ARNT2: variants seen among roughly 807,000 people sequenced by gnomAD.
The protein encoded by ARNT2 is ARNT protein 2.
A neutral mutation model predicts 91.7 loss-of-function variants in ARNT2; 36 were observed. That is an observed-to-expected ratio of 0.39 (90% CI 0.30 to 0.52). The LOEUF (loss-of-function observed/expected upper bound fraction) is 0.52. Ranked by LOEUF, ARNT2 falls within the 20% of genes least tolerant of loss-of-function variation. The pLI is 0.72. For synonymous variants in ARNT2, 365 were observed against 347.1 expected (o/e 1.05, Z -0.57); for missense variants, 775 against 939.3 (o/e 0.83, Z 2.29).
At chr15:80,592,437 A>C (rs1271109579) in intron 18 of ARNT2, among the ~76,000 whole-genome samples, 2 of 152,216 alleles carry the variant, frequency 1.3e-5, no homozygotes, top group Admixed American at 1.3e-4. Flanking sequence ...ACAGGAACCC[A>C]GGCACGTCCT....
intron 5 of ARNT2, among the ~76,000 whole-genome samples, chr15:80,486,272 C>T (rs1443758527): frequency 6.6e-6 from 1 of 152,160 alleles, no homozygotes; most frequent in Non-Finnish European, 1.5e-5. Flanking sequence ...GACTTTCTTT[C>T]CAAATAAGGT....
chr15:80,490,235 A>G (rs985304577), intron 5 of ARNT2, among the ~76,000 whole-genome samples: 1 of 152,174 alleles, frequency 6.6e-6, no homozygotes, highest in African/African-American at 2.4e-5. Context: ...TAAGTTGCAC[A>G]GAGTCAGTCC....
At chr15:80,544,457 T>C (rs1897959586) in intron 8 of ARNT2, among the ~76,000 whole-genome samples, 5 of 152,212 alleles carry the variant, frequency 3.3e-5, no homozygotes. Context: ...TGCATTTGTT[T>C]TGTTTTTTTC....
intron 3 of ARNT2, among the ~76,000 whole-genome samples, chr15:80,467,444 G>T (rs1175826554): frequency 2.0e-5 from 3 of 152,204 alleles, no homozygotes; most frequent in Non-Finnish European, 4.4e-5. Flanking sequence ...TAGGGAAGAG[G>T]GCTGTGGGTG....
chr15:80,505,927 G>GTTTTATTTTT (rs1897267122), intron 5 of ARNT2, among the ~76,000 whole-genome samples: 1 of 88,930 alleles, frequency 1.1e-5, no homozygotes, highest in African/African-American at 4.3e-5. Flanking sequence ...AACATTTGTT[G>GTTTTATTTTT]TTTTTTTTTT....
intron 1 of ARNT2, among the ~76,000 whole-genome samples, chr15:80,436,950 C>T (rs879447893): frequency 2.6e-5 from 4 of 152,144 alleles, no homozygotes; most frequent in Non-Finnish European, 4.4e-5. Flanking sequence ...CTGCATCCGT[C>T]CCACTGATGG....
intron 8 of ARNT2, among the ~76,000 whole-genome samples, chr15:80,519,211 G>T (rs1014290255): frequency 6.6e-6 from 1 of 152,148 alleles, no homozygotes; most frequent in East Asian, 1.9e-4. Flanking sequence ...AGATTTATTT[G>T]CCAAAGTTGA....
intron 6 of ARNT2, among the ~76,000 whole-genome samples, chr15:80,509,036 G>A (rs1218441666): frequency 6.6e-6 from 1 of 152,218 alleles, no homozygotes; most frequent in Non-Finnish European, 1.5e-5. Flanking sequence ...TCATGAGGCA[G>A]TGATGTGAGG....
At chr15:80,444,166 CAA>C (rs1567180972) in intron 1 of ARNT2, 1 of 152,596 alleles carries the variant, frequency 6.6e-6, no homozygotes. Context: ...AAACTGGAAA[CAA>C]GAGGGGATGG....
rs975013400 is a variant in ARNT2, at chr15:80,595,381, T to C, written c.*1683T>C. The stretch of plus-strand genomic sequence containing the variant: ...CAACCCGTGCATCCCTGCCCATGGA[T>C]TCTGCAGGACCTAGAAGAGTGGCAT... On this transcript the variant is annotated 3_prime_UTR_variant, in exon 19 of 19. Transcript: ENST00000303329. 6.6e-6 allele frequency: 1 copy of C among 152,236 alleles called. No individual in the cohort carries two copies. Among genetic ancestry groups the C allele is most frequent in the African/African-American group, 2.4e-5 (1 of 41,446 alleles). The allele number at this position is 152,236 out of a possible 1,614,324, so 9.4% of individuals were successfully genotyped here.
intron 1 of ARNT2, among the ~76,000 whole-genome samples, chr15:80,417,208 C>A (rs1435740001): frequency 1.3e-5 from 2 of 152,150 alleles, no homozygotes; most frequent in African/African-American, 4.8e-5. Context: ...CATGGAATGC[C>A]TGAAACACAC....
chr15:80,493,838 G>T (rs1897088350), intron 5 of ARNT2, among the ~76,000 whole-genome samples: 1 of 152,246 alleles, frequency 6.6e-6, no homozygotes, highest in Admixed American at 6.5e-5. Flanking sequence ...CATGAGGGCA[G>T]ATCCCTCACT....
At chr15:80,421,212 A>G (rs999913144) in intron 1 of ARNT2, among the ~76,000 whole-genome samples, 2 of 152,178 alleles carry the variant, frequency 1.3e-5, no homozygotes, top group Admixed American at 1.3e-4. Flanking sequence ...ATGGATGTGC[A>G]GGGGCATACA....
At chr15:80,446,439 C>T (rs1896305634) in intron 1 of ARNT2, among the ~76,000 whole-genome samples, 1 of 152,138 alleles carries the variant, frequency 6.6e-6, no homozygotes, top group African/African-American at 2.4e-5. Flanking sequence ...TGAACATGTC[C>T]TACGTGCCAT....
chr15:80,580,462 C>G lies in ARNT2; in HGVS notation c.1665C>G (p.Ser555=). 6.2e-7 allele frequency: 1 copy of G among 1,614,164 alleles called. No individual in the cohort carries two copies. Among genetic ancestry groups the G allele is most frequent in the South Asian group, 1.1e-5 (1 of 91,064 alleles). The change falls in exon 16 of 19, where the codon TCC becomes TCG. Residue 555 remains serine, a synonymous_variant. Coordinates refer to ENST00000303329, the MANE Select transcript of ARNT2 (RefSeq NM_014862.4). ...TGAATGATATTCAGTCCTCTTCTTC[C>G]ACGGGCCAGAACATGTCCCAAATCT... is the stretch of plus-strand genomic sequence containing the variant. ...PGVNDIQSSS[S]TGQNMSQISR...
At chr15:80,419,182 TG>T (rs1878985102) in intron 1 of ARNT2, among the ~76,000 whole-genome samples, 1 of 152,080 alleles carries the variant, frequency 6.6e-6, no homozygotes, top group Non-Finnish European at 1.5e-5. Context: ...CACAAAGTGC[TG>T]CCCCATCTCA....
chr15:80,546,154 T>G (rs1897986891), intron 8 of ARNT2, among the ~76,000 whole-genome samples: 1 of 152,026 alleles, frequency 6.6e-6, no homozygotes, highest in Non-Finnish European at 1.5e-5. Flanking sequence ...ATAAATCTAT[T>G]TTATATCCAA....
At chr15:80,408,721 C>T (rs777251101) in intron 1 of ARNT2, among the ~76,000 whole-genome samples, 2 of 151,958 alleles carry the variant, frequency 1.3e-5, no homozygotes, top group Admixed American at 1.3e-4. Context: ...ATTGAATCTA[C>T]GAGCCCATCA....
intron 5 of ARNT2, among the ~76,000 whole-genome samples, chr15:80,475,741 T>TATAC (rs1164629219): frequency 6.6e-6 from 1 of 152,184 alleles, no homozygotes; most frequent in East Asian, 1.9e-4. Context: ...CTGCAATTAG[T>TATAC]ATACATTACC....
Sources: gnomAD v4.1 joint callset for allele counts (sites outside exome capture counted in the v4.1 genomes callset) on GRCh38, gnomAD v4.1.1 for gene constraint, MANE v1.5 for transcripts, NCBI Gene and HGNC (gene_info 2026-07-23, HGNC 2026-07-21) for gene names.